Variants in SLC13A5 observed in about 807,000 individuals in gnomAD.
The protein encoded by SLC13A5 is Na(+)/citrate cotransporter.
Under a neutral mutation model 56.5 loss-of-function variants are expected in SLC13A5, and 25 were observed. The observed-to-expected ratio is 0.44, with a 90% CI of 0.32 to 0.62. SLC13A5 has a LOEUF of 0.62. Among genes scored for constraint, SLC13A5 ranks in the 20% least tolerant of loss-of-function variants. The pLI is 0.04. For missense variants in SLC13A5, 649 were observed against 737.8 expected (o/e 0.88, Z 1.39); for synonymous variants, 307 against 301.5 (o/e 1.02, Z -0.19).
chr17:6,706,036 T>C (rs947048226), intron 3 of SLC13A5, among the ~76,000 whole-genome samples: 5 of 152,200 alleles, frequency 3.3e-5, no homozygotes, highest in African/African-American at 4.8e-5. Flanking sequence ...GCCTGGGGCC[T>C]TGTAGACACT....
chr17:6,702,781 T>G (rs957592076), intron 5 of SLC13A5, among the ~76,000 whole-genome samples, 189 bp downstream of exon 5: 36 of 149,430 alleles, frequency 2.4e-4, no homozygotes, highest in African/African-American at 8.0e-4. Flanking sequence ...GGCTTCTGTG[T>G]GGGCACAGGG....
Position 6,686,096 on chromosome 17 carries a change from C to T in SLC13A5, c.*111G>A, listed in dbSNP as rs1194553429. 1.3e-5 allele frequency: 20 copies of T among 1,493,106 alleles called. No individual in the cohort carries two copies. The highest frequency in any genetic ancestry group is 4.8e-4 in the Middle Eastern group (2 of 4,172). 92.5% of individuals were successfully genotyped at this position (1,493,106 alleles called of 1,614,324 possible). The stretch of plus-strand genomic sequence containing the variant: ...TGGCTGGGTTTTGGTGGTGTGTGGA[C>T]ATCGTTGGGTCATTTTGGGGTGTGA... On this transcript the variant is annotated 3_prime_UTR_variant, in exon 12 of 12. Coordinates refer to ENST00000433363, the MANE Select transcript of SLC13A5 (RefSeq NM_177550.5).
intron 1 of SLC13A5, among the ~76,000 whole-genome samples, chr17:6,710,211 G>C (rs528988852): frequency 6.6e-6 from 1 of 152,352 alleles, no homozygotes; most frequent in East Asian, 1.9e-4. Context: ...ATGCCTCCAG[G>C]GGCAGACAAT....
rs140617883 is a variant in SLC13A5 at position 6,686,052 on chromosome 17, G to A, written c.*155C>T. ...CATGACCATCTCTGCATCTGGGCTTGGAGGAAGAGGTGGCCCATTGGCTGG... is the reference window on the plus strand; with the variant it reads ...CATGACCATCTCTGCATCTGGGCTTAGAGGAAGAGGTGGCCCATTGGCTGG... On this transcript the variant is annotated 3_prime_UTR_variant, in exon 12 of 12. Coordinates refer to ENST00000433363, the MANE Select transcript of SLC13A5 (RefSeq NM_177550.5). 1.3e-4 allele frequency: 134 copies of A among 1,051,354 alleles called. 1 individual carries two copies. In the East Asian group the frequency reaches 2.5e-3, roughly 20 times the overall value. 65.1% of individuals were successfully genotyped at this position (1,051,354 alleles called of 1,614,324 possible). A position where few individuals can be genotyped will look rare whatever the true frequency, so the allele number is the denominator to read the frequency against.
chr17:6,698,149 G>A lies in SLC13A5; in HGVS notation c.840-2208C>T, dbSNP rs540933215. Among the ~76,000 whole-genome samples the A allele has an allele frequency of 2.0e-4, 31 of 152,338 alleles. No individual in the cohort carries two copies. In the South Asian group the frequency reaches 3.7e-3, roughly 18 times the overall value. On this transcript the variant is annotated intron_variant, in intron 6 of 11. Transcript: ENST00000433363. ...GATCTGGAGCCAAAACAAAGCTGCC[G>A]TGAGCTACCCCGGCCAGCCACACTG...
chr17:6,694,444 C>A (rs1391178883), intron 7 of SLC13A5, among the ~76,000 whole-genome samples: 2 of 152,128 alleles, frequency 1.3e-5, no homozygotes, highest in African/African-American at 4.8e-5. Flanking sequence ...TAGTGAAACC[C>A]CGTCTCTACT....
Position 6,684,827 on chromosome 17 carries a change from G to T in SLC13A5, c.*1380C>A, listed in dbSNP as rs1481323825. On this transcript the variant is annotated 3_prime_UTR_variant, in exon 12 of 12. Coordinates refer to ENST00000433363, the MANE Select transcript of SLC13A5 (RefSeq NM_177550.5). ...TACTCGGTCCTTGATGGGGTTTCCTGAGGCTCTCATACTTTCTCCTGCCCT... is the reference window on the plus strand; with the variant it reads ...TACTCGGTCCTTGATGGGGTTTCCTTAGGCTCTCATACTTTCTCCTGCCCT... 1.3e-5 allele frequency: 2 copies of T among 152,224 alleles called. No individual in the cohort carries two copies. The highest frequency in any genetic ancestry group is 2.9e-5 in the Non-Finnish European group (2 of 68,048). 9.4% of individuals were successfully genotyped at this position (152,224 alleles called of 1,614,324 possible). A position where few individuals can be genotyped will look rare whatever the true frequency, so the allele number is the denominator to read the frequency against.
In SLC13A5 at chr17:6,686,055, G is replaced by A. The variant is rs1389290843; in HGVS notation, c.*152C>T. ...GACCATCTCTGCATCTGGGCTTGGA[G>A]GAAGAGGTGGCCCATTGGCTGGGTT... On this transcript the variant is annotated 3_prime_UTR_variant, in exon 12 of 12. Coordinates refer to ENST00000433363, the MANE Select transcript of SLC13A5 (RefSeq NM_177550.5). The A allele has an allele frequency of 3.7e-6, 4 of 1,085,114 alleles. No individual in the cohort carries two copies. Among genetic ancestry groups the A allele is most frequent in the East Asian group, 2.4e-5 (1 of 41,678 alleles). 67.2% of individuals were successfully genotyped at this position (1,085,114 alleles called of 1,614,324 possible). A position where few individuals can be genotyped will look rare whatever the true frequency, so the allele number is the denominator to read the frequency against.
At position 6,686,388 on chromosome 17, in the gene SLC13A5, T is replaced by C. The variant is rs748590930; in HGVS notation, c.1576-50A>G. The C allele has an allele frequency of 3.1e-6, 5 of 1,611,282 alleles. No individual in the cohort carries two copies. In the South Asian group the frequency reaches 3.3e-5, roughly 11 times the overall value. On this transcript the variant is annotated intron_variant, in intron 11 of 11. Coordinates refer to ENST00000433363, the MANE Select transcript of SLC13A5 (RefSeq NM_177550.5). ...CCTGAGGCCTGCTGGGGACTAGTGC[T>C]CTCAGAGAGGAGGACAAAGGGTCGG...
Position 6,686,036 on chromosome 17 carries a change from C to G in SLC13A5, c.*171G>C. On this transcript the variant is annotated 3_prime_UTR_variant, in exon 12 of 12. Transcript: ENST00000433363. The stretch of plus-strand genomic sequence containing the variant: ...CTACCCTCCAGCTGCCCATGACCAT[C>G]TCTGCATCTGGGCTTGGAGGAAGAG... 2 of 910,694 alleles carry G rather than the reference C, an allele frequency of 2.2e-6. No individual in the cohort carries two copies. The highest frequency in any genetic ancestry group is 1.7e-6 in the Non-Finnish European group (1 of 593,396). 56.4% of individuals were successfully genotyped at this position (910,694 alleles called of 1,614,324 possible).
chr17:6,691,953 C>T (rs1680088139), intron 9 of SLC13A5, among the ~76,000 whole-genome samples: 1 of 152,208 alleles, frequency 6.6e-6, no homozygotes, highest in South Asian at 2.1e-4. Flanking sequence ...AAATACCTCA[C>T]ATTTTTCCCT....
Position 6,687,465 on chromosome 17 carries a change from T to C in SLC13A5, c.1575+64A>G, listed in dbSNP as rs1316501751. The C allele has an allele frequency of 6.3e-7, 1 of 1,593,590 alleles. No homozygotes were observed. Among genetic ancestry groups the C allele is most frequent in the Non-Finnish European group, 8.5e-7 (1 of 1,170,824 alleles). On this transcript the variant is annotated intron_variant, in intron 11 of 11. Transcript: ENST00000433363. The surrounding 1 kb of genome is among the most constrained non-coding windows in gnomAD (Gnocchi z 5.0). ...GTTTTGAAACTCTGTCATTCATAAA[T>C]GGGGCATCCCTTATGACAACAGCGT...
At position 6,692,832 on chromosome 17, in the gene SLC13A5, G is replaced by A; in HGVS notation, c.1275+212C>T. The A allele has an allele frequency of 1.7e-6, 1 of 573,348 alleles. No individual in the cohort carries two copies. Among genetic ancestry groups the A allele is most frequent in the South Asian group, 2.0e-5 (1 of 49,492 alleles). The allele number at this position is 573,348 out of a possible 1,614,324, so 35.5% of individuals were successfully genotyped here. The stretch of plus-strand genomic sequence containing the variant: ...CACGGTCACTCATTCACTCATTCCT[G>A]CAATCGCTCAAAGGTTACTTTCTGT... On this transcript the variant is annotated intron_variant, in intron 9 of 11. Transcript: ENST00000433363. This position sits in a 1 kb window ranked among gnomAD's most constrained non-coding sequence, Gnocchi z 5.5.
intron 1 of SLC13A5, among the ~76,000 whole-genome samples, chr17:6,710,881 C>G (rs1407039945): frequency 6.6e-6 from 1 of 151,848 alleles, no homozygotes; most frequent in Non-Finnish European, 1.5e-5. Context: ...TACTTTATAT[C>G]TTACAGATTT....
At position 6,706,748 on chromosome 17, in the gene SLC13A5, T is replaced by C. The variant is rs919457838; in HGVS notation, c.262A>G (p.Met88Val). Residue 88 changes from methionine to valine, a missense_variant, in exon 3 of 12, where the codon ATG becomes GTG. Coordinates refer to ENST00000433363, the MANE Select transcript of SLC13A5 (RefSeq NM_177550.5). Reference sequence around the variant, plus strand: ...ACGATGAGGCCGCCCAGGAACAGCATGTTGGTGTCCTTCATGTACTGGACA... The same window carrying C: ...ACGATGAGGCCGCCCAGGAACAGCACGTTGGTGTCCTTCATGTACTGGACA... ...VCVQYMKDTNMLFLGGLIVAV... is the reference protein window; with the variant it reads ...VCVQYMKDTNVLFLGGLIVAV... 6.2e-7 allele frequency: 1 copy of C among 1,614,086 alleles called. No homozygotes were observed. Among genetic ancestry groups the C allele is most frequent in the African/African-American group, 1.3e-5 (1 of 75,058 alleles).
rs6502968 is a variant in SLC13A5 at position 6,711,508 on chromosome 17, A to G, written c.102+1724T>C. Among the ~76,000 whole-genome samples the G allele has an allele frequency of 1.9e-3, 216 of 111,992 alleles. No individual in the cohort carries two copies. The South Asian group carries it at 0.021, about 11-fold the overall frequency. 73.5% of individuals were successfully genotyped at this position (111,992 alleles called of 152,430 possible). The stretch of plus-strand genomic sequence containing the variant: ...AGGGTGTGTGTGTGTGTGTGTGTGT[A>G]TGTGTATGTGTGTGTTTGTGTTTTT... On this transcript the variant is annotated intron_variant, in intron 1 of 11. Transcript: ENST00000433363. The surrounding 1 kb of genome is among the most constrained non-coding windows in gnomAD (Gnocchi z 4.0).
Position 6,709,022 on chromosome 17 carries a change from G to A in SLC13A5, c.103-1866C>T, listed in dbSNP as rs1042717956. Among the ~76,000 whole-genome samples, 3 of 141,926 alleles carry A rather than the reference G, an allele frequency of 2.1e-5. 1 individual carries two copies. The highest frequency in any genetic ancestry group is 4.7e-5 in the Non-Finnish European group (3 of 64,360). 93.1% of individuals were successfully genotyped at this position (141,926 alleles called of 152,430 possible). On this transcript the variant is annotated intron_variant, in intron 1 of 11. Coordinates refer to ENST00000433363, the MANE Select transcript of SLC13A5 (RefSeq NM_177550.5). ...TTTTTTTTTTTTGAGACAGGGTCTG[G>A]CTCTGTTGCCCAGGTGGGAGTGAAG...
At position 6,687,715 on chromosome 17, in the gene SLC13A5, T is replaced by C. The variant is rs1279185762; in HGVS notation, c.1438-49A>G. The C allele has an allele frequency of 2.0e-6, 3 of 1,502,660 alleles. No homozygotes were observed. The highest frequency in any genetic ancestry group is 2.5e-5 in the Admixed American group (1 of 40,324). 93.1% of individuals were successfully genotyped at this position (1,502,660 alleles called of 1,614,324 possible). On this transcript the variant is annotated intron_variant, in intron 10 of 11. Coordinates refer to ENST00000433363, the MANE Select transcript of SLC13A5 (RefSeq NM_177550.5). This position sits in a 1 kb window ranked among gnomAD's most constrained non-coding sequence, Gnocchi z 5.0. ...ATCACCGTACAGAACACAGAAGCTC[T>C]TGGGGACGTGATTCTGAAAAGGATT...
Position 6,692,830 on chromosome 17 carries a change from C to A in SLC13A5, c.1275+214G>T. On this transcript the variant is annotated intron_variant, in intron 9 of 11. Transcript: ENST00000433363. This position sits in a 1 kb window ranked among gnomAD's most constrained non-coding sequence, Gnocchi z 5.5. Reference sequence around the variant, plus strand: ...ACCACGGTCACTCATTCACTCATTCCTGCAATCGCTCAAAGGTTACTTTCT... The same window carrying A: ...ACCACGGTCACTCATTCACTCATTCATGCAATCGCTCAAAGGTTACTTTCT... 1.7e-6 allele frequency: 1 copy of A among 572,620 alleles called. No homozygotes were observed. The highest frequency in any genetic ancestry group is 3.1e-6 in the Non-Finnish European group (1 of 320,514). The allele number at this position is 572,620 out of a possible 1,614,324, so 35.5% of individuals were successfully genotyped here. A position where few individuals can be genotyped will look rare whatever the true frequency, so the allele number is the denominator to read the frequency against.
Sources: gnomAD v4.1 joint callset for allele counts (sites outside exome capture counted in the v4.1 genomes callset) on GRCh38, gnomAD v4.1.1 for gene constraint, Gnocchi (gnomAD v3.1) non-coding constraint, MANE v1.5 for transcripts, NCBI Gene and HGNC (gene_info 2026-07-23, HGNC 2026-07-21) for gene names.